ARHGEF37: variants seen among roughly 807,000 people sequenced by gnomAD.
The protein encoded by ARHGEF37 is Rho guanine nucleotide exchange factor (GEF) 37.
In ARHGEF37, 55 loss-of-function variants were observed where a neutral mutation model predicts 71.1. That is an observed-to-expected ratio of 0.77 (90% confidence interval 0.62 to 0.97). The LOEUF (loss-of-function observed/expected upper bound fraction) is 0.97, where lower values mean the gene tolerates loss of function less well. Among genes scored for constraint, ARHGEF37 ranks in the 50% least tolerant of loss-of-function variants. The pLI is 0.00. For synonymous variants in ARHGEF37, 327 were observed against 350.6 expected (o/e 0.93, Z 0.75); for missense variants, 765 against 836.8 (o/e 0.91, Z 1.06).
chr5:149,596,915 TA>T (rs1763562686), intron 1 of ARHGEF37, among the ~76,000 whole-genome samples: 1 of 152,200 alleles, frequency 6.6e-6, no homozygotes, highest in East Asian at 1.9e-4. Flanking sequence ...AGGAAGCTAC[TA>T]AAGTCTTACA....
At chr5:149,593,907 GCTGTTCAAGGGTCAATTGTACTTCATTT>G (rs1331951415) in intron 1 of ARHGEF37, among the ~76,000 whole-genome samples, 10 of 152,244 alleles carry the variant, frequency 6.6e-5, no homozygotes, top group Admixed American at 6.5e-4. Context: ...TCAAACCCAT[GCTGTTCAAGGGTCAATTGTACTTCATTT>G]CTTTTATTGC....
intron 4 of ARHGEF37, among the ~76,000 whole-genome samples, chr5:149,612,009 G>C (rs181850232): frequency 6.6e-6 from 1 of 152,094 alleles, no homozygotes; most frequent in African/African-American, 2.4e-5. Context: ...ACTACTAAAA[G>C]ATATAAGGAA....
chr5:149,597,405 C>T (rs374469963), intron 1 of ARHGEF37, among the ~76,000 whole-genome samples: 1 of 152,192 alleles, frequency 6.6e-6, no homozygotes, highest in East Asian at 1.9e-4. Flanking sequence ...ACTACAGGAG[C>T]CCGCCACCAT....
intron 1 of ARHGEF37, among the ~76,000 whole-genome samples, chr5:149,568,384 A>G (rs1762922401): frequency 6.6e-6 from 1 of 152,118 alleles, no homozygotes; most frequent in East Asian, 1.9e-4. Flanking sequence ...GCTAACCTGT[A>G]CCTCCGAAAA....
At chr5:149,599,116 T>C (rs1214089995) in intron 2 of ARHGEF37, among the ~76,000 whole-genome samples, 1 of 152,192 alleles carries the variant, frequency 6.6e-6, no homozygotes, top group African/African-American at 2.4e-5. Flanking sequence ...CTGTACCTGA[T>C]GGAGCTTTGA....
chr5:149,627,098 G>A lies in ARHGEF37; in HGVS notation c.1487G>A (p.Arg496His), dbSNP rs753066620. ...CAGCCGCTCCTTCCAGGGTCTGAAC[G>A]CCAGGTGCAGGCTCTCCTGAGCAGG... The part of the protein sequence containing the change: ...TTQPLLPGSE[R>H]QVQALLSRYG... Residue 496 changes from arginine (R) to histidine (H), a missense_variant, in exon 11 of 13, where the codon CGC becomes CAC. Physicochemically the swap from Arg to His is conservative, Grantham distance 29. Around this residue, in one of 5 missense-constraint regions of ARHGEF37, gnomAD observed 390 missense variants for 407.4 expected, o/e 0.96. Transcript: ENST00000333677. 17 of 1,613,566 alleles carry A rather than the reference G, an allele frequency of 1.1e-5. No homozygotes were observed. The highest frequency in any genetic ancestry group is 1.7e-5 in the Admixed American group (1 of 59,968).
chr5:149,565,850 T>TTTTTTTTTTTTTTTG (rs1762891218), intron 1 of ARHGEF37, among the ~76,000 whole-genome samples: 1 of 59,264 alleles, frequency 1.7e-5, no homozygotes. Flanking sequence ...TTTTTTTTTT[T>TTTTTTTTTTTTTTTG]TTTTTTTTTT....
chr5:149,615,326 A>T, intron 4 of ARHGEF37, among the ~76,000 whole-genome samples: 1 of 148,104 alleles, frequency 6.8e-6, no homozygotes. Flanking sequence ...TTTTTGAAGC[A>T]GAGGTCATGC....
chr5:149,618,350 A>G, intron 6 of ARHGEF37, 44 bp downstream of exon 6: 1 of 1,612,758 alleles, frequency 6.2e-7, no homozygotes, highest in Non-Finnish European at 8.5e-7. Flanking sequence ...AGCCACCCCC[A>G]AGGCCAGGCC....
At position 149,620,472 on chromosome 5, in the gene ARHGEF37, G is replaced by A. The variant is rs1365732756; in HGVS notation, c.1005+8G>A. On this transcript the variant is annotated splice_region_variant and intron_variant, in intron 8 of 12. Transcript: ENST00000333677. Reference sequence around the variant, plus strand: ...GAGGCCTTCCTGAAATTTGTGAGTGGAACCTTTCCTTTCTCCTTTCTTTGT... The same window carrying A: ...GAGGCCTTCCTGAAATTTGTGAGTGAAACCTTTCCTTTCTCCTTTCTTTGT... 1 of 1,582,138 alleles carries A rather than the reference G, an allele frequency of 6.3e-7. No homozygotes were observed. The highest frequency in any genetic ancestry group is 8.7e-7 in the Non-Finnish European group (1 of 1,155,074).
At chr5:149,574,793 C>T (rs1763007747) in intron 1 of ARHGEF37, among the ~76,000 whole-genome samples, 1 of 152,128 alleles carries the variant, frequency 6.6e-6, no homozygotes, top group African/African-American at 2.4e-5. Context: ...CTCCTTACAT[C>T]CCATAGGTCA....
At position 149,632,975 on chromosome 5, in the gene ARHGEF37, A is replaced by G. The variant is rs1366560750; in HGVS notation, c.*784A>G. Reference sequence around the variant, plus strand: ...TAGGGAACAAAGGGGTATGCAAATCATAGAGGAAACTCTGGGAAGGCGGTG... The same window carrying G: ...TAGGGAACAAAGGGGTATGCAAATCGTAGAGGAAACTCTGGGAAGGCGGTG... On this transcript the variant is annotated 3_prime_UTR_variant, in exon 13 of 13. Transcript: ENST00000333677. 6.5e-6 allele frequency: 1 copy of G among 152,856 alleles called. No individual in the cohort carries two copies. Among genetic ancestry groups the G allele is most frequent in the Non-Finnish European group, 1.5e-5 (1 of 68,140 alleles). The allele number at this position is 152,856 out of a possible 1,614,324, so 9.5% of individuals were successfully genotyped here. A position where few individuals can be genotyped will look rare whatever the true frequency, so the allele number is the denominator to read the frequency against.
intron 4 of ARHGEF37, among the ~76,000 whole-genome samples, chr5:149,613,450 G>A (rs192220137): frequency 2.0e-5 from 3 of 151,574 alleles, no homozygotes; most frequent in East Asian, 1.9e-4. Context: ...GGGTTCAAGC[G>A]ATTCTCCTTC....
At chr5:149,612,796 C>A (rs1752237018) in intron 4 of ARHGEF37, among the ~76,000 whole-genome samples, 1 of 152,236 alleles carries the variant, frequency 6.6e-6, no homozygotes, top group Non-Finnish European at 1.5e-5. Flanking sequence ...ATAATAATCA[C>A]CACGCCAGCC....
chr5:149,562,351 A>G (rs1172265935), intron 1 of ARHGEF37, among the ~76,000 whole-genome samples: 2 of 152,248 alleles, frequency 1.3e-5, no homozygotes, highest in African/African-American at 2.4e-5. Flanking sequence ...CCTGGCCAGT[A>G]TAAGAGCTAG....
At chr5:149,579,104 G>A (rs1056273705), upstream of ARHGEF37, among the ~76,000 whole-genome samples, 2 of 152,164 alleles carry the variant, frequency 1.3e-5, no homozygotes, top group African/African-American at 4.8e-5. Context: ...TAAAACCACA[G>A]AATACTCAAG....
intron 3 of ARHGEF37, among the ~76,000 whole-genome samples, chr5:149,605,006 C>T (rs895345957): frequency 6.6e-6 from 1 of 151,802 alleles, no homozygotes; most frequent in Non-Finnish European, 1.5e-5. Flanking sequence ...GCAGATAGAT[C>T]ACCTGAGGTC....
At chr5:149,624,232 G>T in intron 10 of ARHGEF37, 92 bp downstream of exon 10, 1 of 1,457,448 alleles carries the variant, frequency 6.9e-7, no homozygotes, top group South Asian at 1.5e-5. Context: ...TTTCCTTTTT[G>T]GTCCCCCAAT....
chr5:149,555,253 A>T (rs1193566421), intron 1 of ARHGEF37, among the ~76,000 whole-genome samples: 3 of 152,136 alleles, frequency 2.0e-5, no homozygotes, highest in Admixed American at 1.3e-4. Context: ...TTAGACCTTG[A>T]GGGAAATACA....
Sources: allele counts gnomAD v4.1 joint callset (sites outside exome capture counted in the v4.1 genomes callset), GRCh38; gene constraint gnomAD v4.1.1; regional missense constraint gnomAD v4.1.1; transcripts MANE v1.5; gene names NCBI Gene and HGNC (gene_info 2026-07-23, HGNC 2026-07-21).